The following PHRF1 variants were observed in gnomAD, a reference collection of about 807,000 sequenced individuals.
The protein encoded by PHRF1 is PHD and ring finger domains 1.
Under a neutral mutation model 128.9 loss-of-function variants are expected in PHRF1, and 53 were observed. That is an observed-to-expected ratio of 0.41 (90% CI 0.33 to 0.52). PHRF1 has a LOEUF of 0.52. Ranked by LOEUF, PHRF1 falls within the 20% of genes least tolerant of loss-of-function variation. PHRF1 has a pLI of 0.21. For missense variants in PHRF1, 2,503 were observed against 2,284.5 expected, an observed-to-expected ratio of 1.10 and a Z score of -1.95; for synonymous variants, 1,178 against 980.6, an observed-to-expected ratio of 1.20 and a Z score of -3.76.
Position 605,171 on chromosome 11 carries a change from C to A in PHRF1, c.1205C>A (p.Pro402His). 1 of 1,613,610 alleles carries A rather than the reference C, an allele frequency of 6.2e-7. No individual in the cohort carries two copies. The highest frequency in any genetic ancestry group is 8.5e-7 in the Non-Finnish European group (1 of 1,179,866). ...RIARTLGLRRPVHSSCIPSVL... is the reference protein window; with the variant it reads ...RIARTLGLRRHVHSSCIPSVL... Reference sequence around the variant, plus strand: ...GCGCGGACGCTGGGCCTGCGCAGGCCTGTTCACAGCAGCTGCATCCCGTCA... The same window carrying A: ...GCGCGGACGCTGGGCCTGCGCAGGCATGTTCACAGCAGCTGCATCCCGTCA... The change falls in exon 11 of 18, where the codon CCT becomes CAT. Residue 402 changes from proline (P) to histidine (H), a missense_variant. Pro to His is a moderately conservative substitution (Grantham distance 77). Coordinates refer to ENST00000264555, the MANE Select transcript of PHRF1 (RefSeq NM_001286581.2).
chr11:599,793 C>G (rs1236106305), intron 9 of PHRF1, among the ~76,000 whole-genome samples: 2 of 151,752 alleles, frequency 1.3e-5, no homozygotes, highest in Non-Finnish European at 2.9e-5. Context: ...GACTCGGCGT[C>G]TGTGGGTCTG....
chr11:587,254 T>C lies in PHRF1; in HGVS notation c.215-5T>C. On this transcript the variant is annotated splice_polypyrimidine_tract_variant and splice_region_variant and intron_variant, in intron 3 of 17. Transcript: ENST00000264555. ...CTTGCACCAGCTGGCATGTTTCCTC[T>C]CCAGGTTCCGAGGATTCTGAAGACG... 1 of 1,612,716 alleles carries C rather than the reference T, an allele frequency of 6.2e-7. No individual in the cohort carries two copies. The highest frequency in any genetic ancestry group is 8.5e-7 in the Non-Finnish European group (1 of 1,179,684).
At position 608,750 on chromosome 11, in the gene PHRF1, C is replaced by G; in HGVS notation, c.3294C>G (p.Ser1098Arg). The G allele has an allele frequency of 6.2e-7, 1 of 1,611,618 alleles. No homozygotes were observed. The highest frequency in any genetic ancestry group is 8.5e-7 in the Non-Finnish European group (1 of 1,179,568). Residue 1098 changes from serine to arginine, a missense_variant, in exon 14 of 18, where the codon AGC (serine) becomes AGG (arginine). Coordinates refer to ENST00000264555, the MANE Select transcript of PHRF1 (RefSeq NM_001286581.2). Reference protein sequence around the residue: ...TSRSRSGSPGSSSYEHYESRK... With the variant: ...TSRSRSGSPGRSSYEHYESRK... The stretch of plus-strand genomic sequence containing the variant: ...GGTCGCGGTCGGGGAGCCCTGGCAG[C>G]TCTTCCTATGAGCACTATGAGAGTA...
In PHRF1 at chr11:607,968, T is replaced by C; in HGVS notation, c.2512T>C (p.Ser838Pro). 6.2e-7 allele frequency: 1 copy of C among 1,611,514 alleles called. No homozygotes were observed. ...EVYDPSDPTGSDSSAPGSSPE... is the reference protein window; with the variant it reads ...EVYDPSDPTGPDSSAPGSSPE... The stretch of plus-strand genomic sequence containing the variant: ...CTACGACCCATCCGACCCCACCGGC[T>C]CCGACTCCAGCGCCCCTGGCAGCAG... Residue 838 changes from serine (S) to proline (P), a missense_variant, in exon 14 of 18, where the codon TCC becomes CCC. Physicochemically the swap from Ser to Pro is moderately conservative, Grantham distance 74 (BLOSUM62 -1). Coordinates refer to ENST00000264555, the MANE Select transcript of PHRF1 (RefSeq NM_001286581.2).
intron 15 of PHRF1, 38 bp downstream of exon 15, chr11:610,385 G>A: frequency 1.3e-6 from 2 of 1,538,566 alleles, no homozygotes; most frequent in Non-Finnish European, 1.8e-6. Flanking sequence ...GCCGTGGGCA[G>A]TGGCCTGGCA....
chr11:599,446 T>C (rs542687958), intron 9 of PHRF1, among the ~76,000 whole-genome samples: 1 of 151,984 alleles, frequency 6.6e-6, no homozygotes, highest in Non-Finnish European at 1.5e-5. Context: ...AGATGGGGCT[T>C]CACCATGTTG....
chr11:587,268 A>G lies in PHRF1; in HGVS notation c.224A>G (p.Asp75Gly). The G allele has an allele frequency of 6.2e-7, 1 of 1,613,356 alleles. No homozygotes were observed. Among genetic ancestry groups the G allele is most frequent in the Non-Finnish European group, 8.5e-7 (1 of 1,179,862 alleles). Reference sequence around the variant, plus strand: ...CATGTTTCCTCTCCAGGTTCCGAGGATTCTGAAGACGACGGGGAGACATTG... The same window carrying G: ...CATGTTTCCTCTCCAGGTTCCGAGGGTTCTGAAGACGACGGGGAGACATTG... ...EDLEDRSGSEDSEDDGETLLE... is the reference protein window; with the variant it reads ...EDLEDRSGSEGSEDDGETLLE... Residue 75 changes from aspartate (D) to glycine (G), a missense_variant, in exon 4 of 18, where the codon GAT becomes GGT. Transcript: ENST00000264555.
intron 4 of PHRF1, among the ~76,000 whole-genome samples, chr11:589,136 A>G (rs970287486): frequency 1.3e-5 from 2 of 148,148 alleles, no homozygotes; most frequent in African/African-American, 2.5e-5. Context: ...CACTGTCTCA[A>G]AAAAAAAAAA....
chr11:588,142 G>T (rs1211175244), intron 4 of PHRF1, among the ~76,000 whole-genome samples: 1 of 152,070 alleles, frequency 6.6e-6, no homozygotes, highest in East Asian at 1.9e-4. Context: ...GCTGTCCCCG[G>T]CTCTCTTCAG....
Position 609,331 on chromosome 11 carries a change from C to G in PHRF1, c.3875C>G (p.Pro1292Arg). The change falls in exon 14 of 18, where the codon CCC becomes CGC. Residue 1292 changes from proline (P) to arginine (R), a missense_variant. Pro to Arg is a moderately radical substitution (Grantham distance 103). Transcript: ENST00000264555. The stretch of plus-strand genomic sequence containing the variant: ...GATGACATGAGCTCGCCACCTTCTC[C>G]CGAAAGCACAGACTCTTCCCCGGAG... ...QLDDMSSPPSPESTDSSPERD... is the reference protein window; with the variant it reads ...QLDDMSSPPSRESTDSSPERD... The G allele has an allele frequency of 6.2e-7, 1 of 1,612,540 alleles. No homozygotes were observed. The highest frequency in any genetic ancestry group is 8.5e-7 in the Non-Finnish European group (1 of 1,179,888).
intron 1 of PHRF1, among the ~76,000 whole-genome samples, chr11:578,331 G>A (rs979977149): frequency 3.9e-5 from 6 of 152,248 alleles, no homozygotes; most frequent in Non-Finnish European, 8.8e-5. Context: ...TAACCTGAAC[G>A]TTCCTGCTGC....
At chr11:582,246 A>AT (rs1206064734) in intron 3 of PHRF1, among the ~76,000 whole-genome samples, 165 bp downstream of exon 3, 1 of 146,700 alleles carries the variant, frequency 6.8e-6, no homozygotes, top group East Asian at 2.0e-4. Flanking sequence ...GGCTCACTTT[A>AT]TTTGTAGTAC....
intron 4 of PHRF1, among the ~76,000 whole-genome samples, chr11:587,966 C>T (rs971601887): frequency 6.6e-6 from 1 of 152,176 alleles, no homozygotes. Flanking sequence ...CTTTTAGAAG[C>T]AGTCAGCTCC....
intron 10 of PHRF1, among the ~76,000 whole-genome samples, chr11:603,240 G>A (rs894330738): frequency 2.6e-5 from 4 of 152,062 alleles, no homozygotes; most frequent in Non-Finnish European, 5.9e-5. Context: ...ATTTTTCGTA[G>A]ACACAAGCGT....
At chr11:593,359 C>T (rs1029909648) in intron 6 of PHRF1, among the ~76,000 whole-genome samples, 3 of 152,258 alleles carry the variant, frequency 2.0e-5, no homozygotes, top group African/African-American at 7.2e-5. Flanking sequence ...CTGGGGCCTT[C>T]TCTTGGGTGG....
intron 17 of PHRF1, among the ~76,000 whole-genome samples, 162 bp downstream of exon 17, chr11:611,244 G>C (rs1856376256): frequency 6.6e-6 from 1 of 152,214 alleles, no homozygotes; most frequent in Non-Finnish European, 1.5e-5. Context: ...TAGGCCTGGG[G>C]TCAAGCCTGT....
Position 587,359 on chromosome 11 carries a change from A to T in PHRF1, c.315A>T (p.Ala105=). 1 of 1,613,894 alleles carries T rather than the reference A, an allele frequency of 6.2e-7. No individual in the cohort carries two copies. ...AAGSFNSDDD[A]ESCPICLNAF... ...GCTCTTTCAATTCTGATGATGATGC[A>T]GAGAGCTGCCCAATCTGTCTCAACG... The change falls in exon 4 of 18, where the codon GCA becomes GCT. Residue 105 remains alanine (A), a synonymous_variant. Coordinates refer to ENST00000264555, the MANE Select transcript of PHRF1 (RefSeq NM_001286581.2).
At chr11:593,811 C>T (rs909127076) in intron 6 of PHRF1, among the ~76,000 whole-genome samples, 4 of 152,238 alleles carry the variant, frequency 2.6e-5, no homozygotes, top group Non-Finnish European at 4.4e-5. Flanking sequence ...CGGGAGATAG[C>T]CACGCCTCTG....
At chr11:606,948 G>A in intron 13 of PHRF1, 118 bp from the exon 14 acceptor site, 1 of 1,457,704 alleles carries the variant, frequency 6.9e-7, no homozygotes, top group Non-Finnish European at 9.1e-7. Flanking sequence ...ACCTCAACAG[G>A]CAGACAGGAG....
Sources: gnomAD v4.1 joint callset for allele counts (sites outside exome capture counted in the v4.1 genomes callset) on GRCh38, gnomAD v4.1.1 for gene constraint, MANE v1.5 for transcripts, NCBI Gene and HGNC (gene_info 2026-07-23, HGNC 2026-07-21) for gene names.